The following DDX31 variants were observed in gnomAD, a reference collection of about 807,000 sequenced individuals.
DDX31 encodes the protein DEAD-box helicase 31.
DDX31 carries 70 observed loss-of-function variants against 91.3 expected under a neutral mutation model. The observed-to-expected ratio is 0.77, with a 90% CI of 0.63 to 0.94. The LOEUF (loss-of-function observed/expected upper bound fraction) is 0.94. DDX31 is among the 40% of genes least tolerant of loss of function. DDX31 has a pLI of 0.00. For missense variants in DDX31, 902 were observed against 925.0 expected (o/e 0.98, Z 0.32); for synonymous variants, 362 against 350.6 (o/e 1.03, Z -0.36).
chr9:132,617,712 A>G (rs971951253), intron 18 of DDX31, among the ~76,000 whole-genome samples: 1 of 151,764 alleles, frequency 6.6e-6, no homozygotes, highest in African/African-American at 2.4e-5. Flanking sequence ...GTGATTACAA[A>G]CCCCCTTCAG....
chr9:132,633,027 C>A (rs1394388563), intron 14 of DDX31, among the ~76,000 whole-genome samples: 1 of 152,148 alleles, frequency 6.6e-6, no homozygotes. Context: ...ACACTTACTA[C>A]CCACCACACA....
At chr9:132,651,563 G>A (rs1374441056) in intron 7 of DDX31, among the ~76,000 whole-genome samples, 1 of 152,212 alleles carries the variant, frequency 6.6e-6, no homozygotes, top group Non-Finnish European at 1.5e-5. Flanking sequence ...AGCGATGACT[G>A]TATTCTACAA....
At chr9:132,633,899 A>T (rs905079359) in intron 14 of DDX31, among the ~76,000 whole-genome samples, 3 of 152,232 alleles carry the variant, frequency 2.0e-5, no homozygotes, top group African/African-American at 7.2e-5. Flanking sequence ...CCTAAATCTA[A>T]TCAAGTCTCT....
intron 14 of DDX31, among the ~76,000 whole-genome samples, chr9:132,641,000 T>A (rs1833470839): frequency 6.6e-6 from 1 of 152,186 alleles, no homozygotes; most frequent in Admixed American, 6.5e-5. Context: ...AATGAGTGTC[T>A]GCAGAGCCAC....
At position 132,595,137 on chromosome 9, in the gene DDX31, G is replaced by A; in HGVS notation, c.1995-25C>T. The A allele has an allele frequency of 6.3e-7, 1 of 1,591,514 alleles. No individual in the cohort carries two copies. Among genetic ancestry groups the A allele is most frequent in the Non-Finnish European group, 8.6e-7 (1 of 1,167,560 alleles). On this transcript the variant is annotated intron_variant, in intron 19 of 19. Coordinates refer to ENST00000372159, the MANE Select transcript of DDX31 (RefSeq NM_022779.9). The surrounding 1 kb of genome is among the most constrained non-coding windows in gnomAD (Gnocchi z 4.6). ...CCTGAAGAACAGTAACAGCAGAGAG[G>A]GAAAAGAAACTTTATTATTTTTCTT...
chr9:132,660,271 A>G, intron 4 of DDX31, among the ~76,000 whole-genome samples: 1 of 150,200 alleles, frequency 6.7e-6, no homozygotes, highest in East Asian at 2.0e-4. Flanking sequence ...GGAGGCAGAG[A>G]TTGTAGTGAG....
At chr9:132,623,641 G>A (rs1832199600) in intron 17 of DDX31, among the ~76,000 whole-genome samples, 2 of 151,884 alleles carry the variant, frequency 1.3e-5, no homozygotes, top group South Asian at 4.2e-4. Context: ...GTGACCCTGA[G>A]GCGTGCTCTT....
intron 19 of DDX31, among the ~76,000 whole-genome samples, chr9:132,605,079 T>C (rs1251491182): frequency 1.3e-5 from 2 of 152,208 alleles, no homozygotes; most frequent in African/African-American, 2.4e-5. Flanking sequence ...GAAAGACGAC[T>C]TTCCCACCAG....
At position 132,652,439 on chromosome 9, in the gene DDX31, C is replaced by T. The variant is rs1477960829; in HGVS notation, c.633+9G>A. 6.2e-7 allele frequency: 1 copy of T among 1,614,106 alleles called. No homozygotes were observed. Among genetic ancestry groups the T allele is most frequent in the East Asian group, 2.2e-5 (1 of 44,890 alleles). On this transcript the variant is annotated intron_variant, in intron 7 of 19. Coordinates refer to ENST00000372159, the MANE Select transcript of DDX31 (RefSeq NM_022779.9). Reference sequence around the variant, plus strand: ...GCTTAAAACTTGTCCCAAAAGGGAGCCTGCTTACCTCTCTCGTTGGCACGA... The same window carrying T: ...GCTTAAAACTTGTCCCAAAAGGGAGTCTGCTTACCTCTCTCGTTGGCACGA...
chr9:132,637,966 C>T (rs748489755), intron 14 of DDX31: 131 of 1,014,048 alleles, frequency 1.3e-4, no homozygotes, highest in Non-Finnish European at 1.5e-4. Context: ...GGAAATTCCC[C>T]AGGAGGAGAG....
At chr9:132,606,633 G>A (rs1215768125) in intron 19 of DDX31, among the ~76,000 whole-genome samples, 1 of 152,246 alleles carries the variant, frequency 6.6e-6, no homozygotes, top group East Asian at 1.9e-4. Context: ...ATCAAAGGGC[G>A]ACTTGAGTAC....
chr9:132,609,280 C>T (rs530682113), intron 19 of DDX31, among the ~76,000 whole-genome samples: 1 of 152,320 alleles, frequency 6.6e-6, no homozygotes, highest in East Asian at 1.9e-4. Context: ...TCTTTATCAG[C>T]TAATCAGCCC....
chr9:132,667,513 G>C (rs1754810793), intron 1 of DDX31, among the ~76,000 whole-genome samples: 1 of 152,094 alleles, frequency 6.6e-6, no homozygotes, highest in Non-Finnish European at 1.5e-5. Flanking sequence ...TGAGGCAGGA[G>C]AATGGTGTGA....
At chr9:132,608,220 A>G (rs2119259844) in intron 19 of DDX31, among the ~76,000 whole-genome samples, 1 of 152,278 alleles carries the variant, frequency 6.6e-6, no homozygotes, top group South Asian at 2.1e-4. Flanking sequence ...GTATATGTCT[A>G]TGTCGGTGTT....
At position 132,625,751 on chromosome 9, in the gene DDX31, AAAGG is replaced by A; in HGVS notation, c.1632-10_1632-7del. 2 of 1,612,522 alleles carry A rather than the reference AAAGG, an allele frequency of 1.2e-6. No individual in the cohort carries two copies. Among genetic ancestry groups the A allele is most frequent in the Non-Finnish European group, 1.7e-6 (2 of 1,179,226 alleles). On this transcript the variant is annotated splice_polypyrimidine_tract_variant and splice_region_variant and intron_variant, in intron 16 of 19. Coordinates refer to ENST00000372159, the MANE Select transcript of DDX31 (RefSeq NM_022779.9). ...CCATCTTAATCTCAGAAACGCTGTA[AAAGG>A]AAGGGCACAGCAAGGTAACTTTTTG...
chr9:132,628,492 A>C (rs926946233), intron 16 of DDX31, among the ~76,000 whole-genome samples: 32 of 152,372 alleles, frequency 2.1e-4, no homozygotes, highest in African/African-American at 5.0e-4. Context: ...TGACTCCCTA[A>C]TACTTCGTGC....
At chr9:132,596,537 G>A (rs993716103) in intron 19 of DDX31, among the ~76,000 whole-genome samples, 1 of 152,156 alleles carries the variant, frequency 6.6e-6, no homozygotes, top group Non-Finnish European at 1.5e-5. Flanking sequence ...GACTTCCTGG[G>A]GTCTGTGGGA....
intron 19 of DDX31, among the ~76,000 whole-genome samples, chr9:132,611,022 C>T (rs757365818): frequency 5.9e-5 from 9 of 152,074 alleles, no homozygotes; most frequent in Non-Finnish European, 8.8e-5. Flanking sequence ...TCCCGGTGAA[C>T]GGAGAAGCCA....
intron 17 of DDX31, among the ~76,000 whole-genome samples, chr9:132,622,534 C>T (rs1832101483): frequency 1.3e-5 from 2 of 152,174 alleles, no homozygotes; most frequent in South Asian, 4.1e-4. Flanking sequence ...CCCTGCGTTG[C>T]GCAGACACAC....
Sources: allele counts gnomAD v4.1 joint callset (sites outside exome capture counted in the v4.1 genomes callset), GRCh38; gene constraint gnomAD v4.1.1; non-coding constraint Gnocchi (gnomAD v3.1); transcripts MANE v1.5; gene names NCBI Gene and HGNC (gene_info 2026-07-23, HGNC 2026-07-21).